The following PABPC1L variants were observed in gnomAD, a reference collection of about 807,000 sequenced individuals.
PABPC1L encodes the protein polyadenylate-binding protein 1-like.
In PABPC1L, 31 loss-of-function variants were observed where a neutral mutation model predicts 66.6. The ratio of observed to expected loss-of-function variants is 0.47; its 90% CI spans 0.35 to 0.63. PABPC1L has a LOEUF of 0.63. PABPC1L is among the 20% of genes least tolerant of loss of function. The pLI is 0.00. For missense variants in PABPC1L, 722 were observed against 848.8 expected (o/e 0.85, Z 1.86); for synonymous variants, 348 against 335.1 (o/e 1.04, Z -0.42).
At chr20:44,933,235 T>C in intron 10 of PABPC1L, 50 bp downstream of exon 10, 2 of 1,483,182 alleles carry the variant, frequency 1.3e-6, no homozygotes, top group Non-Finnish European at 1.8e-6. Context: ...AAGTTGGCAC[T>C]AGGAGTCAGG....
At position 44,910,347 on chromosome 20, in the gene PABPC1L, G is replaced by A; in HGVS notation, c.193+11G>A. 6.7e-7 allele frequency: 1 copy of A among 1,493,020 alleles called. No homozygotes were observed. Among genetic ancestry groups the A allele is most frequent in the Non-Finnish European group, 9.0e-7 (1 of 1,113,526 alleles). 92.5% of individuals were successfully genotyped at this position (1,493,020 alleles called of 1,614,324 possible). ...AGCAGCCCGCGGACGGTGAGCCCCG[G>A]GGATGGGGCGGGAGGGGAAGGACCG... On this transcript the variant is annotated intron_variant, in intron 1 of 14. Transcript: ENST00000217073.
intron 6 of PABPC1L, among the ~76,000 whole-genome samples, chr20:44,922,400 G>C (rs1211321319): frequency 6.6e-6 from 1 of 152,064 alleles, no homozygotes; most frequent in African/African-American, 2.4e-5. Context: ...ACCATGCCCG[G>C]CAAATTTTTG....
intron 7 of PABPC1L, among the ~76,000 whole-genome samples, chr20:44,928,998 T>A (rs1261365890): frequency 6.7e-6 from 1 of 148,626 alleles, no homozygotes; most frequent in Non-Finnish European, 1.5e-5. Context: ...CAGGGCCAGG[T>A]GTGGTGGCTC....
Position 44,916,696 on chromosome 20 carries a change from A to G in PABPC1L, c.388-60A>G, listed in dbSNP as rs556832337. The G allele has an allele frequency of 5.2e-6, 8 of 1,529,858 alleles. No individual in the cohort carries two copies. The East Asian group carries it at 1.6e-4, about 30-fold the overall frequency. The allele number at this position is 1,529,858 out of a possible 1,614,324, so 94.8% of individuals were successfully genotyped here. A position where few individuals can be genotyped will look rare whatever the true frequency, so the allele number is the denominator to read the frequency against. On this transcript the variant is annotated intron_variant, in intron 2 of 14. Transcript: ENST00000217073. ...GAGACTGGTCGTGATCACCTTTGCCATTCCTTTCTACCTGAACCCTCTGTC... is the reference window on the plus strand; with the variant it reads ...GAGACTGGTCGTGATCACCTTTGCCGTTCCTTTCTACCTGAACCCTCTGTC...
At chr20:44,912,370 T>A (rs2145552498) in intron 1 of PABPC1L, among the ~76,000 whole-genome samples, 1 of 152,254 alleles carries the variant, frequency 6.6e-6, no homozygotes, top group East Asian at 1.9e-4. Flanking sequence ...AGTTTTCCCA[T>A]CTGTAAAATG....
At chr20:44,933,363 C>T (rs934919479) in intron 10 of PABPC1L, among the ~76,000 whole-genome samples, 178 bp downstream of exon 10, 1 of 152,044 alleles carries the variant, frequency 6.6e-6, no homozygotes, top group African/African-American at 2.4e-5. Flanking sequence ...CTATGAGGCC[C>T]TTGCTGACTA....
At chr20:44,919,114 G>A (rs750988498) in intron 4 of PABPC1L, 69 bp downstream of exon 4, 7 of 1,613,330 alleles carry the variant, frequency 4.3e-6, no homozygotes, top group Non-Finnish European at 5.1e-6. Flanking sequence ...CTGGTAGGGA[G>A]GAGGGGCTCT....
At chr20:44,920,650 G>A (rs1330674467) in intron 5 of PABPC1L, among the ~76,000 whole-genome samples, 1 of 150,700 alleles carries the variant, frequency 6.6e-6, no homozygotes, top group Non-Finnish European at 1.5e-5. Flanking sequence ...TGTGTTTTTA[G>A]TAGAGAAGGG....
At position 44,924,142 on chromosome 20, in the gene PABPC1L, A is replaced by C; in HGVS notation, c.877-19A>C. On this transcript the variant is annotated intron_variant, in intron 6 of 14. Coordinates refer to ENST00000217073, the MANE Select transcript of PABPC1L (RefSeq NM_001372179.1). ...CTTGGAGGAGAAGGGGACATCCAGCAGTTTCCCTTCCATCCCAGGGTGTGA... is the reference window on the plus strand; with the variant it reads ...CTTGGAGGAGAAGGGGACATCCAGCCGTTTCCCTTCCATCCCAGGGTGTGA... 1 of 1,594,490 alleles carries C rather than the reference A, an allele frequency of 6.3e-7. No individual in the cohort carries two copies. Among genetic ancestry groups the C allele is most frequent in the Non-Finnish European group, 8.6e-7 (1 of 1,162,214 alleles).
At chr20:44,930,999 T>TCCTTCCTCCCTTCCTC (rs2066849184) in intron 8 of PABPC1L, among the ~76,000 whole-genome samples, 1 of 105,586 alleles carries the variant, frequency 9.5e-6, no homozygotes, top group African/African-American at 3.9e-5. Flanking sequence ...CCTACATTTT[T>TCCTTCCTCCCTTCCTC]CCTTCCTCCC....
chr20:44,932,017 G>T, intron 8 of PABPC1L: 1 of 189,630 alleles, frequency 5.3e-6, no homozygotes, highest in Non-Finnish European at 1.1e-5. Flanking sequence ...ACCCATTAAA[G>T]GCCACCACGG....
intron 5 of PABPC1L, among the ~76,000 whole-genome samples, chr20:44,921,067 C>T (rs1048671703): frequency 6.6e-6 from 1 of 152,042 alleles, no homozygotes; most frequent in African/African-American, 2.4e-5. Flanking sequence ...ACCGCCTTGG[C>T]CTCCCAAAGT....
chr20:44,923,442 G>A (rs771195700), intron 6 of PABPC1L, among the ~76,000 whole-genome samples: 5 of 152,040 alleles, frequency 3.3e-5, no homozygotes, highest in African/African-American at 4.8e-5. Context: ...GACCAACATG[G>A]AGAAAGGAGA....
chr20:44,920,008 G>A (rs1464512528), intron 5 of PABPC1L, among the ~76,000 whole-genome samples: 1 of 152,102 alleles, frequency 6.6e-6, no homozygotes, highest in African/African-American at 2.4e-5. Flanking sequence ...TTTCAGTGTA[G>A]TTTTAAGTTC....
At chr20:44,910,471 G>C (rs1458972937) in intron 1 of PABPC1L, 135 bp downstream of exon 1, 1 of 1,062,812 alleles carries the variant, frequency 9.4e-7, no homozygotes, top group Middle Eastern at 3.2e-4. Flanking sequence ...AGATAACAGG[G>C]CGTTGGCAGA....
At chr20:44,927,908 TC>T (rs1478140986) in intron 7 of PABPC1L, among the ~76,000 whole-genome samples, 1 of 151,814 alleles carries the variant, frequency 6.6e-6, no homozygotes, top group Non-Finnish European at 1.5e-5. Context: ...AAGCAATTCT[TC>T]CGCCTCTGCT....
At chr20:44,914,204 CTTTTTTTTT>C (rs1201412446) in intron 2 of PABPC1L, among the ~76,000 whole-genome samples, 1 of 114,370 alleles carries the variant, frequency 8.7e-6, no homozygotes, top group African/African-American at 3.6e-5. Flanking sequence ...TGTGTCAGAA[CTTTTTTTTT>C]TTTTTTTTTT....
intron 2 of PABPC1L, 57 bp downstream of exon 2, chr20:44,912,910 A>G: frequency 2.7e-6 from 4 of 1,498,000 alleles, no homozygotes; most frequent in Non-Finnish European, 3.7e-6. Context: ...CCTGCCTGGT[A>G]GAGGGGTGAC....
intron 1 of PABPC1L, among the ~76,000 whole-genome samples, chr20:44,911,607 C>G (rs1376897841): frequency 6.6e-6 from 1 of 152,194 alleles, no homozygotes; most frequent in African/African-American, 2.4e-5. Flanking sequence ...CTGGGTGAAC[C>G]TGGTGGTTGC....
Sources: gnomAD v4.1 joint callset for allele counts (sites outside exome capture counted in the v4.1 genomes callset) on GRCh38, gnomAD v4.1.1 for gene constraint, MANE v1.5 for transcripts, NCBI Gene and HGNC (gene_info 2026-07-23, HGNC 2026-07-21) for gene names.